GEMIN5: variants seen among roughly 807,000 people sequenced by gnomAD.
GEMIN5 encodes the protein gem-associated protein 5.
Under a neutral mutation model 176.9 loss-of-function variants are expected in GEMIN5, and 124 were observed. The observed-to-expected ratio is 0.70, with a 90% CI of 0.61 to 0.81. GEMIN5 has a LOEUF of 0.81. GEMIN5 is among the 40% of genes least tolerant of loss of function. GEMIN5 has a pLI of 0.00. For missense variants in GEMIN5, 1,843 were observed against 1,814.6 expected, an observed-to-expected ratio of 1.02 and a Z score of -0.28; for synonymous variants, 673 against 665.2, an observed-to-expected ratio of 1.01 and a Z score of -0.18.
At chr5:154,935,165 C>A in intron 3 of GEMIN5, among the ~76,000 whole-genome samples, 1 of 152,192 alleles carries the variant, frequency 6.6e-6, no homozygotes. Context: ...ACTCCCTTGA[C>A]CCCATCTATC....
chr5:154,937,837 G>T, intron 1 of GEMIN5, 131 bp downstream of exon 1: 13 of 760,802 alleles, frequency 1.7e-5, no homozygotes, highest in Non-Finnish European at 2.6e-5. Flanking sequence ...CTTAGTGACT[G>T]TGGGCTGCCT....
chr5:154,910,501 C>T (rs546727027), intron 15 of GEMIN5, among the ~76,000 whole-genome samples: 9 of 152,152 alleles, frequency 5.9e-5, no homozygotes, highest in East Asian at 5.8e-4. Context: ...AATGGGATCT[C>T]GCTCTGTTGC....
At chr5:154,889,114 G>C (rs1763168892) in intron 27 of GEMIN5, among the ~76,000 whole-genome samples, 1 of 151,926 alleles carries the variant, frequency 6.6e-6, no homozygotes, top group Non-Finnish European at 1.5e-5. Context: ...CTGACCTCAT[G>C]ATCCGCCAGC....
chr5:154,920,039 C>A lies in GEMIN5; in HGVS notation c.1527G>T (p.Gln509His). 1 of 1,610,050 alleles carries A rather than the reference C, an allele frequency of 6.2e-7. No homozygotes were observed. The highest frequency in any genetic ancestry group is 8.5e-7 in the Non-Finnish European group (1 of 1,176,346). The change falls in exon 11 of 28, where the codon CAG (glutamine) becomes CAT (histidine). Residue 509 changes from glutamine to histidine, a missense_variant. Gln to His is a conservative substitution (Grantham distance 24). Transcript: ENST00000285873. ...YSCGGEGIVL[Q>H]HNPWKLSGEA... ...CTCCACTAAGCTTCCAGGGATTATG[C>A]TGTAAGACAATCCCTTCTCCTCCAC...
intron 2 of GEMIN5, 44 bp from the exon 3 acceptor site, chr5:154,936,066 C>A (rs1195633158): frequency 9.0e-6 from 11 of 1,225,464 alleles, no homozygotes; most frequent in Non-Finnish European, 1.3e-5. Flanking sequence ...TGCTGAAGTT[C>A]TACTTAATTT....
In GEMIN5 at chr5:154,896,171, G is replaced by A. The variant is rs1763347385; in HGVS notation, c.3518C>T (p.Pro1173Leu). ...VWKSIFSLDTPEQYQEAFQKL... is the reference protein window; with the variant it reads ...VWKSIFSLDTLEQYQEAFQKL... ...CTGAAAGGCTTCCTGATACTGCTCAGGGGTGTCAAGGCTGAAGATGCTCTT... is the reference window on the plus strand; with the variant it reads ...CTGAAAGGCTTCCTGATACTGCTCAAGGGTGTCAAGGCTGAAGATGCTCTT... Residue 1173 changes from proline (P) to leucine (L), a missense_variant, in exon 24 of 28, where the codon CCT becomes CTT. Physicochemically the swap from Pro to Leu is moderately conservative, Grantham distance 98. Transcript: ENST00000285873. 1 of 1,614,042 alleles carries A rather than the reference G, an allele frequency of 6.2e-7. No individual in the cohort carries two copies. Among genetic ancestry groups the A allele is most frequent in the Non-Finnish European group, 8.5e-7 (1 of 1,179,962 alleles).
intron 8 of GEMIN5, among the ~76,000 whole-genome samples, chr5:154,924,761 G>C (rs955567801): frequency 6.6e-5 from 10 of 152,040 alleles, no homozygotes; most frequent in Non-Finnish European, 1.0e-4. Context: ...AGGCAGAGGC[G>C]GGCGGATCAC....
intron 23 of GEMIN5, among the ~76,000 whole-genome samples, chr5:154,898,057 C>T (rs750544808): frequency 4.6e-5 from 7 of 151,910 alleles, no homozygotes; most frequent in South Asian, 2.1e-4. Context: ...CGTGCCACCA[C>T]GCTCGGCTAA....
chr5:154,889,007 A>G (rs958065167), intron 27 of GEMIN5, among the ~76,000 whole-genome samples: 65 of 151,920 alleles, frequency 4.3e-4, no homozygotes, highest in African/African-American at 1.5e-3. Context: ...CTCCCGAGTA[A>G]CTGGGACTAC....
chr5:154,934,613 T>C (rs1277699174), intron 3 of GEMIN5, among the ~76,000 whole-genome samples: 1 of 152,060 alleles, frequency 6.6e-6, no homozygotes, highest in African/African-American at 2.4e-5. Flanking sequence ...CGCCCAGCCT[T>C]ATCATCAACT....
intron 5 of GEMIN5, among the ~76,000 whole-genome samples, chr5:154,931,170 C>T (rs1183239159): frequency 6.6e-6 from 1 of 152,218 alleles, no homozygotes; most frequent in African/African-American, 2.4e-5. Flanking sequence ...TTCTAATATT[C>T]CTGTTTTTAT....
Position 154,889,353 on chromosome 5 carries a change from G to C in GEMIN5, c.4327C>G (p.Gln1443Glu), listed in dbSNP as rs770757385. The change falls in exon 27 of 28, where the codon CAG becomes GAG. Residue 1443 changes from glutamine (Q) to glutamate (E), a missense_variant. Physicochemically the swap from Gln to Glu is conservative, Grantham distance 29. Coordinates refer to ENST00000285873, the MANE Select transcript of GEMIN5 (RefSeq NM_015465.5). ...ELTKRLTEANQRMAKFPESIK... is the reference protein window; with the variant it reads ...ELTKRLTEANERMAKFPESIK... ...CTCTCAGGAAATTTCGCCATTCTCT[G>C]ATTTGCCTCGGTAAGCCTTTTGGTT... 16 of 1,608,120 alleles carry C rather than the reference G, an allele frequency of 9.9e-6. No individual in the cohort carries two copies. Among genetic ancestry groups the C allele is most frequent in the Admixed American group, 1.7e-5 (1 of 59,966 alleles).
intron 9 of GEMIN5, among the ~76,000 whole-genome samples, chr5:154,921,661 T>C (rs1763924682): frequency 6.6e-6 from 1 of 152,148 alleles, no homozygotes; most frequent in African/African-American, 2.4e-5. Flanking sequence ...ACCAAAACGA[T>C]TAAGTCCCAA....
intron 15 of GEMIN5, among the ~76,000 whole-genome samples, chr5:154,908,962 TTC>T (rs967454824): frequency 6.6e-6 from 1 of 152,140 alleles, no homozygotes; most frequent in Non-Finnish European, 1.5e-5. Flanking sequence ...TTTTCTTTTT[TTC>T]TCTTTTTTGA....
chr5:154,937,542 A>C (rs1212483762), intron 1 of GEMIN5, among the ~76,000 whole-genome samples: 1 of 152,246 alleles, frequency 6.6e-6, no homozygotes, highest in Non-Finnish European at 1.5e-5. Context: ...ATCAAAGCCT[A>C]GTTTGGAGCC....
At chr5:154,904,654 A>C in intron 17 of GEMIN5, 25 bp from the exon 18 acceptor site, 1 of 1,585,174 alleles carries the variant, frequency 6.3e-7, no homozygotes, top group Non-Finnish European at 8.7e-7. Flanking sequence ...AGTACATACT[A>C]TCTGAAGGAG....
rs1455289982 is a variant in GEMIN5, at chr5:154,903,155, C to T, written c.2653G>A (p.Ala885Thr). ...HSRELNEDVS[A>T]DVEERFHLGL... ...AGATGAAATCTTTCCTCAACATCAG[C>T]AGACACATCTTCATTCAGCTCTGTT... is the stretch of plus-strand genomic sequence containing the variant. The change falls in exon 19 of 28, where the codon GCT becomes ACT. Residue 885 changes from alanine to threonine, a missense_variant. By Grantham distance (58) the Ala-to-Thr change is moderately conservative. Coordinates refer to ENST00000285873, the MANE Select transcript of GEMIN5 (RefSeq NM_015465.5). The T allele has an allele frequency of 1.9e-6, 3 of 1,611,400 alleles. No homozygotes were observed. The highest frequency in any genetic ancestry group is 2.5e-6 in the Non-Finnish European group (3 of 1,177,856).
chr5:154,916,197 T>C (rs1219871598), intron 13 of GEMIN5, among the ~76,000 whole-genome samples: 1 of 152,136 alleles, frequency 6.6e-6, no homozygotes, highest in Non-Finnish European at 1.5e-5. Context: ...TGACAGATAT[T>C]TGTTAATAAC....
chr5:154,904,793 G>A (rs1393391339), intron 17 of GEMIN5, among the ~76,000 whole-genome samples, 164 bp from the exon 18 acceptor site: 1 of 152,144 alleles, frequency 6.6e-6, no homozygotes, highest in East Asian at 1.9e-4. Context: ...TGGGGGCATT[G>A]TTCACAATAC....
Sources: gnomAD v4.1 joint callset for allele counts (sites outside exome capture counted in the v4.1 genomes callset) on GRCh38, gnomAD v4.1.1 for gene constraint, MANE v1.5 for transcripts, NCBI Gene and HGNC (gene_info 2026-07-23, HGNC 2026-07-21) for gene names.